Variants in SYT17 observed in about 807,000 individuals in gnomAD.
SYT17 encodes the protein synaptotagmin 17, also known as synaptotagmin-17.
A neutral mutation model predicts 46.7 loss-of-function variants in SYT17; 22 were observed. The observed-to-expected ratio is 0.47, with a 90% CI of 0.34 to 0.67. The LOEUF (loss-of-function observed/expected upper bound fraction) is 0.67. Ranked by LOEUF, SYT17 falls within the 30% of genes least tolerant of loss-of-function variation. The pLI, the probability that SYT17 is intolerant of heterozygous loss-of-function variation, is 0.01. For missense variants in SYT17, 519 were observed against 612.8 expected (o/e 0.85, Z 1.62); for synonymous variants, 251 against 248.4 (o/e 1.01, Z -0.10).
At chr16:19,198,648 A>G (rs1243269555) in intron 5 of SYT17, among the ~76,000 whole-genome samples, 1 of 152,242 alleles carries the variant, frequency 6.6e-6, no homozygotes, top group East Asian at 1.9e-4. Context: ...TCCATTGAAC[A>G]TGAGGAGGCT....
At chr16:19,191,323 G>A (rs546151218) in intron 5 of SYT17, among the ~76,000 whole-genome samples, 14 of 152,290 alleles carry the variant, frequency 9.2e-5, no homozygotes, top group Non-Finnish European at 1.6e-4. Flanking sequence ...CCTTTGGGGC[G>A]GTGGTTAGGC....
Position 19,173,445 on chromosome 16 carries a change from A to G in SYT17, c.49A>G (p.Ile17Val), listed in dbSNP as rs1480948348. ...EPLNEGFLSR[I>V]SGLLLCRWTC... is the part of the protein sequence containing the mutation. ...ATGGCCTCAGGGTTTTCTTTCTAGA[A>G]TCTCTGGTCTGCTGCTGTGCAGATG... is the stretch of plus-strand genomic sequence containing the variant. The change falls in exon 3 of 8, where the codon ATC (isoleucine) becomes GTC (valine). Residue 17 changes from isoleucine to valine, a missense_variant. Coordinates refer to ENST00000355377, the MANE Select transcript of SYT17 (RefSeq NM_016524.4). 2 of 1,594,890 alleles carry G rather than the reference A, an allele frequency of 1.3e-6. No individual in the cohort carries two copies. The highest frequency in any genetic ancestry group is 1.7e-6 in the Non-Finnish European group (2 of 1,171,874).
intron 7 of SYT17, among the ~76,000 whole-genome samples, chr16:19,260,812 G>C (rs892468167): frequency 1.3e-5 from 2 of 152,156 alleles, no homozygotes; most frequent in African/African-American, 4.8e-5. Flanking sequence ...AAAATTTTTA[G>C]TTATGGATGT....
intron 5 of SYT17, among the ~76,000 whole-genome samples, chr16:19,196,934 G>A (rs1965270148): frequency 6.6e-6 from 1 of 152,138 alleles, no homozygotes; most frequent in Admixed American, 6.5e-5. Context: ...CTTGGAAACT[G>A]CCTGGAGTTA....
intron 1 of SYT17, chr16:19,170,479 C>T (rs1352451816): frequency 1.3e-5 from 2 of 152,090 alleles, no homozygotes; most frequent in African/African-American, 4.8e-5. Flanking sequence ...GGTTCTCTTC[C>T]ATCGGTGTCA....
At chr16:19,211,263 G>T (rs902721644) in intron 5 of SYT17, 13 of 542,670 alleles carry the variant, frequency 2.4e-5, no homozygotes, top group Non-Finnish European at 1.6e-5. Flanking sequence ...TCCTGTCTTG[G>T]CTTCGATTCT....
At chr16:19,201,243 G>A (rs1965449367) in intron 5 of SYT17, among the ~76,000 whole-genome samples, 2 of 152,200 alleles carry the variant, frequency 1.3e-5, no homozygotes, top group Admixed American at 6.6e-5. Flanking sequence ...TTTGTGTGAT[G>A]TGTCAGGACC....
chr16:19,182,269 G>A (rs1041921939), intron 4 of SYT17, among the ~76,000 whole-genome samples: 3 of 152,110 alleles, frequency 2.0e-5, no homozygotes, highest in Middle Eastern at 3.4e-3. Context: ...GCAAAAATGG[G>A]CCAGGTGTGG....
At chr16:19,241,769 C>T (rs952222625) in intron 7 of SYT17, among the ~76,000 whole-genome samples, 11 of 152,252 alleles carry the variant, frequency 7.2e-5, no homozygotes, top group South Asian at 2.1e-4. Flanking sequence ...GTGCCAGGGT[C>T]GGGAGTCACA....
At chr16:19,173,712 G>C (rs1267477200) in intron 3 of SYT17, 134 bp downstream of exon 3, 2 of 1,018,638 alleles carry the variant, frequency 2.0e-6, no homozygotes, top group African/African-American at 1.6e-5. Flanking sequence ...TGAGTTTCCA[G>C]GGACAACTTT....
chr16:19,258,638 T>C (rs62025410), intron 7 of SYT17, among the ~76,000 whole-genome samples: 10,820 of 152,110 alleles, frequency 0.071, 516 homozygotes, highest in Non-Finnish European at 0.1. Context: ...CAAGACTCCA[T>C]CTCAAAAATA....
intron 5 of SYT17, among the ~76,000 whole-genome samples, chr16:19,195,877 C>T (rs62027697): frequency 2.6e-5 from 4 of 152,054 alleles, no homozygotes; most frequent in African/African-American, 7.2e-5. Flanking sequence ...CGCAGCAACT[C>T]GGGAGGCTAA....
intron 5 of SYT17, among the ~76,000 whole-genome samples, chr16:19,196,344 G>A (rs1286673319): frequency 1.3e-5 from 2 of 151,604 alleles, no homozygotes; most frequent in Non-Finnish European, 2.9e-5. Flanking sequence ...CCGATTTCAA[G>A]CATTTCTCCT....
In SYT17 at chr16:19,223,169, C is replaced by T. The variant is rs1278845349; in HGVS notation, c.1072+4C>T. 1.7e-5 allele frequency: 27 copies of T among 1,612,924 alleles called. No homozygotes were observed. The highest frequency in any genetic ancestry group is 2.7e-5 in the African/African-American group (2 of 74,878). ...ACAGATGTGAGCCAAGGTTCAGGTA[C>T]CGTGTGATTCCCCTCTTCTCTCACT... is the stretch of plus-strand genomic sequence containing the variant. On this transcript the variant is annotated splice_donor_region_variant and intron_variant, in intron 6 of 7. Coordinates refer to ENST00000355377, the MANE Select transcript of SYT17 (RefSeq NM_016524.4).
chr16:19,234,333 G>T (rs1284794561), intron 7 of SYT17, among the ~76,000 whole-genome samples: 1 of 151,980 alleles, frequency 6.6e-6, no homozygotes, highest in Non-Finnish European at 1.5e-5. Flanking sequence ...CTCAAGAAAA[G>T]AAAAGAAAGA....
At chr16:19,220,712 C>T (rs1177434943) in intron 5 of SYT17, among the ~76,000 whole-genome samples, 1 of 152,100 alleles carries the variant, frequency 6.6e-6, no homozygotes, top group East Asian at 1.9e-4. Flanking sequence ...TAGGCTCAGC[C>T]TCAAATACAG....
intron 5 of SYT17, among the ~76,000 whole-genome samples, chr16:19,185,415 C>T (rs938343625): frequency 6.6e-6 from 1 of 152,018 alleles, no homozygotes; most frequent in Non-Finnish European, 1.5e-5. Context: ...AGTGAGACCC[C>T]GTCTCTACAA....
intron 5 of SYT17, among the ~76,000 whole-genome samples, chr16:19,210,454 G>A (rs1363612398): frequency 6.7e-6 from 1 of 150,328 alleles, no homozygotes; most frequent in Non-Finnish European, 1.5e-5. Flanking sequence ...TGATCTAAGG[G>A]TATTTTTTTT....
chr16:19,244,677 C>T (rs1350475856), intron 7 of SYT17, among the ~76,000 whole-genome samples: 1 of 152,158 alleles, frequency 6.6e-6, no homozygotes, highest in Non-Finnish European at 1.5e-5. Flanking sequence ...TTCGAGGATC[C>T]TGTCATGAGT....
Sources: gnomAD v4.1 joint callset for allele counts (sites outside exome capture counted in the v4.1 genomes callset) on GRCh38, gnomAD v4.1.1 for gene constraint, MANE v1.5 for transcripts, NCBI Gene and HGNC (gene_info 2026-07-23, HGNC 2026-07-21) for gene names.